ARFGAP1: variants seen among roughly 807,000 people sequenced by gnomAD.
ARFGAP1 encodes the protein ADP-ribosylation factor GTPase-activating protein 1.
A neutral mutation model predicts 54.0 loss-of-function variants in ARFGAP1; 26 were observed. That is an observed-to-expected ratio of 0.48 (90% CI 0.35 to 0.67). ARFGAP1 has a LOEUF of 0.67. Ranked by LOEUF, ARFGAP1 falls within the 30% of genes least tolerant of loss-of-function variation. The pLI is 0.00. For synonymous variants in ARFGAP1, 248 were observed against 211.9 expected, an observed-to-expected ratio of 1.17 and a Z score of -1.48; for missense variants, 525 against 535.8, an observed-to-expected ratio of 0.98 and a Z score of 0.20.
At chr20:63,281,505 T>C (rs1234260498) in intron 8 of ARFGAP1, among the ~76,000 whole-genome samples, 158 bp downstream of exon 8, 1 of 152,084 alleles carries the variant, frequency 6.6e-6, no homozygotes, top group African/African-American at 2.4e-5. Flanking sequence ...CCAGCCAGGG[T>C]GGTCCTGAGA....
chr20:63,287,747 GGT>G lies in ARFGAP1; in HGVS notation c.1099_1100del (p.Trp367GlyfsTer31). On this transcript the variant is annotated frameshift_variant, in exon 13 of 13. Transcript: ENST00000370283. LOFTEE classifies it low-confidence loss of function (END_TRUNC). ...TERRSSDSWE[V>X]WGSASTNRNS... Reference sequence around the variant, plus strand: ...AGAGGAGGAGCTCGGACAGCTGGGAGGTGTGGGGCTCGGCCTCCACCAACAGG... The same window carrying G: ...AGAGGAGGAGCTCGGACAGCTGGGAGGTGGGGCTCGGCCTCCACCAACAGG... 1 of 1,610,748 alleles carries G rather than the reference GGT, an allele frequency of 6.2e-7. No individual in the cohort carries two copies. The highest frequency in any genetic ancestry group is 8.5e-7 in the Non-Finnish European group (1 of 1,179,210).
At chr20:63,279,041 C>T in intron 7 of ARFGAP1, 46 bp downstream of exon 7, 1 of 1,592,424 alleles carries the variant, frequency 6.3e-7, no homozygotes, top group African/African-American at 1.3e-5. Flanking sequence ...CAGACCCCGC[C>T]CTGAGGGCAC....
chr20:63,285,939 C>T (rs2067523916), intron 11 of ARFGAP1: 1 of 1,492,494 alleles, frequency 6.7e-7, no homozygotes, highest in Admixed American at 2.1e-5. Context: ...TCTCCCTCTG[C>T]TCTTATCTTG....
In ARFGAP1 at chr20:63,285,648, G is replaced by C; in HGVS notation, c.775-6G>C. On this transcript the variant is annotated splice_region_variant and splice_polypyrimidine_tract_variant and intron_variant, in intron 10 of 12. Coordinates refer to ENST00000370283, the MANE Select transcript of ARFGAP1 (RefSeq NM_018209.4). ...CCCATTAATGCCGCTGTCTTCATCC[G>C]TGCAGGTGAAGGAGGGAAAGATTTT... is the stretch of plus-strand genomic sequence containing the variant. The C allele has an allele frequency of 6.2e-7, 1 of 1,613,434 alleles. No individual in the cohort carries two copies. The highest frequency in any genetic ancestry group is 8.5e-7 in the Non-Finnish European group (1 of 1,179,902).
chr20:63,273,572 A>G (rs1286740591), intron 1 of ARFGAP1: 1 of 152,226 alleles, frequency 6.6e-6, no homozygotes, highest in African/African-American at 2.4e-5. Flanking sequence ...GGGCTCTTGA[A>G]TATTCAAAAT....
At chr20:63,285,980 T>G (rs1395173615) in intron 11 of ARFGAP1, 2 of 1,521,436 alleles carry the variant, frequency 1.3e-6, no homozygotes, top group African/African-American at 2.8e-5. Flanking sequence ...GGTAAGTAAG[T>G]GCCAGCGCCG....
At chr20:63,284,776 G>A (rs140673126) in intron 9 of ARFGAP1, 90 bp from the exon 10 acceptor site, 36 of 1,568,918 alleles carry the variant, frequency 2.3e-5, no homozygotes, top group African/African-American at 6.8e-5. Context: ...GGTGAAGCTC[G>A]TGCTGCCCTT....
chr20:63,276,701 C>A lies in ARFGAP1; in HGVS notation c.342+50C>A, dbSNP rs780633117. 1.3e-6 allele frequency: 2 copies of A among 1,543,192 alleles called. No homozygotes were observed. Among genetic ancestry groups the A allele is most frequent in the South Asian group, 1.2e-5 (1 of 81,074 alleles). The stretch of plus-strand genomic sequence containing the variant: ...TGCCCATGGTGTGGGGCTGCCCTGC[C>A]GTTTGTGGCAGCTGGACTGTGGCCT... On this transcript the variant is annotated intron_variant, in intron 4 of 12. Coordinates refer to ENST00000370283, the MANE Select transcript of ARFGAP1 (RefSeq NM_018209.4). This position sits in a 1 kb window ranked among gnomAD's most constrained non-coding sequence, Gnocchi z 5.2.
chr20:63,277,705 G>A lies in ARFGAP1; in HGVS notation c.443+400G>A, dbSNP rs1450720142. ...GCGTCCCACATCCCACTGCAGGAAC[G>A]TCCCGGGTGGGGTGACTGGGTAGCA... On this transcript the variant is annotated intron_variant, in intron 5 of 12. Coordinates refer to ENST00000370283, the MANE Select transcript of ARFGAP1 (RefSeq NM_018209.4). Among the ~76,000 whole-genome samples the A allele has an allele frequency of 4.6e-5, 7 of 152,116 alleles. No individual in the cohort carries two copies. The South Asian group carries it at 1.2e-3, about 27-fold the overall frequency.
Position 63,287,881 on chromosome 20 carries a change from T to A in ARFGAP1, c.*8T>A. The A allele has an allele frequency of 6.6e-7, 1 of 1,512,960 alleles. No individual in the cohort carries two copies. The highest frequency in any genetic ancestry group is 1.2e-5 in the South Asian group (1 of 81,212). The allele number at this position is 1,512,960 out of a possible 1,614,324, so 93.7% of individuals were successfully genotyped here. On this transcript the variant is annotated 3_prime_UTR_variant, in exon 13 of 13. Coordinates refer to ENST00000370283, the MANE Select transcript of ARFGAP1 (RefSeq NM_018209.4). ...GACAACCAGAACTGGTAGGGCCCACTGCGCCCCCGTCCCCAGCGCCCCCGG... is the reference window on the plus strand; with the variant it reads ...GACAACCAGAACTGGTAGGGCCCACAGCGCCCCCGTCCCCAGCGCCCCCGG...
chr20:63,284,636 T>C, intron 9 of ARFGAP1: 2 of 1,387,826 alleles, frequency 1.4e-6, no homozygotes, highest in Non-Finnish European at 1.9e-6. Context: ...GAGGGGGACC[T>C]TCCTGCAAGA....
Position 63,288,556 on chromosome 20 carries a change from C to G in ARFGAP1, c.*683C>G. On this transcript the variant is annotated 3_prime_UTR_variant, in exon 13 of 13. Transcript: ENST00000370283. Reference sequence around the variant, plus strand: ...GCCACACCCACACCTGAGCTGTTCTCAGTGCTGGAACTTGACCATCCTGGA... The same window carrying G: ...GCCACACCCACACCTGAGCTGTTCTGAGTGCTGGAACTTGACCATCCTGGA... The G allele has an allele frequency of 2.2e-6, 1 of 454,538 alleles. No individual in the cohort carries two copies. The highest frequency in any genetic ancestry group is 4.4e-6 in the Non-Finnish European group (1 of 225,746). The allele number at this position is 454,538 out of a possible 1,614,324, so 28.2% of individuals were successfully genotyped here. A position where few individuals can be genotyped will look rare whatever the true frequency, so the allele number is the denominator to read the frequency against.
intron 7 of ARFGAP1, 92 bp from the exon 8 acceptor site, chr20:63,281,199 G>C (rs1451498226): frequency 7.2e-7 from 1 of 1,398,046 alleles, no homozygotes; most frequent in African/African-American, 1.4e-5. Context: ...GGCAGCCTCT[G>C]CCTTGGTCCT....
At chr20:63,273,064 G>A (rs1465179712) in intron 1 of ARFGAP1, 144 bp downstream of exon 1, 3 of 151,990 alleles carry the variant, frequency 2.0e-5, no homozygotes, top group Non-Finnish European at 4.4e-5. Context: ...CCCAGAGCTT[G>A]GGGGCGCCCA....
Position 63,276,667 on chromosome 20 carries a change from A to G in ARFGAP1, c.342+16A>G, listed in dbSNP as rs1217261058. ...TAGGGATAAGGTAGAGATGGGCCCGATTCACTCTTGCCCATGGTGTGGGGC... is the reference window on the plus strand; with the variant it reads ...TAGGGATAAGGTAGAGATGGGCCCGGTTCACTCTTGCCCATGGTGTGGGGC... On this transcript the variant is annotated intron_variant, in intron 4 of 12. Coordinates refer to ENST00000370283, the MANE Select transcript of ARFGAP1 (RefSeq NM_018209.4). The surrounding 1 kb of genome is among the most constrained non-coding windows in gnomAD (Gnocchi z 5.2). The G allele has an allele frequency of 1.9e-6, 3 of 1,590,150 alleles. No homozygotes were observed. The highest frequency in any genetic ancestry group is 2.6e-6 in the Non-Finnish European group (3 of 1,166,500).
chr20:63,280,156 A>G (rs2067342900), intron 7 of ARFGAP1, among the ~76,000 whole-genome samples: 1 of 152,028 alleles, frequency 6.6e-6, no homozygotes, highest in African/African-American at 2.4e-5. Context: ...AAAAAAAAAG[A>G]TTTTTATTCA....
At chr20:63,275,176 C>T (rs761602295) in intron 1 of ARFGAP1, among the ~76,000 whole-genome samples, 2 of 152,186 alleles carry the variant, frequency 1.3e-5, no homozygotes, top group African/African-American at 2.4e-5. Context: ...TGTGGTGTGT[C>T]GCCTTTTAGG....
Position 63,288,331 on chromosome 20 carries a change from G to A in ARFGAP1, c.*458G>A. On this transcript the variant is annotated 3_prime_UTR_variant, in exon 13 of 13. Coordinates refer to ENST00000370283, the MANE Select transcript of ARFGAP1 (RefSeq NM_018209.4). ...CTAGTTCTTTCTTTTTGAAGAGAGT[G>A]ACTGGAGTGGTAAAGATGGAAATGC... 1 of 460,436 alleles carries A rather than the reference G, an allele frequency of 2.2e-6. No individual in the cohort carries two copies. The highest frequency in any genetic ancestry group is 1.5e-5 in the South Asian group (1 of 64,606). 28.5% of individuals were successfully genotyped at this position (460,436 alleles called of 1,614,324 possible).
chr20:63,283,863 A>G (rs772497847), intron 9 of ARFGAP1: 3 of 1,613,546 alleles, frequency 1.9e-6, no homozygotes, highest in African/African-American at 1.3e-5. Context: ...TTGGGGTCAC[A>G]AGCAGCAGCC....
Sources: allele counts gnomAD v4.1 joint callset (sites outside exome capture counted in the v4.1 genomes callset), GRCh38; gene constraint gnomAD v4.1.1; non-coding constraint Gnocchi (gnomAD v3.1); transcripts MANE v1.5; gene names NCBI Gene and HGNC (gene_info 2026-07-23, HGNC 2026-07-21).